Variants in PRUNE2 observed in about 807,000 individuals in gnomAD.
The protein encoded by PRUNE2 is prune homolog 2 with BCH domain, also known as protein prune homolog 2.
Under a neutral mutation model 252.0 loss-of-function variants are expected in PRUNE2, and 164 were observed. That is an observed-to-expected ratio of 0.65 (90% CI 0.57 to 0.74). The LOEUF is 0.74. PRUNE2 is among the 30% of genes least tolerant of loss of function. The probability of loss-of-function intolerance (pLI) is 0.00; values close to 1 mark genes in which losing one functional copy is unlikely to be tolerated. For synonymous variants in PRUNE2, 1,292 were observed against 1,350.2 expected (o/e 0.96, Z 0.94); for missense variants, 3,495 against 3,711.0 (o/e 0.94, Z 1.51).
intron 6 of PRUNE2, chr9:76,779,628 C>G (rs1376044280): frequency 6.6e-6 from 1 of 152,150 alleles, no homozygotes; most frequent in Non-Finnish European, 1.5e-5. Context: ...ACCTCCATGA[C>G]AGGAATCTGA....
chr9:76,802,417 C>T (rs1425983474), intron 6 of PRUNE2, among the ~76,000 whole-genome samples: 3 of 152,166 alleles, frequency 2.0e-5, no homozygotes, highest in Admixed American at 6.5e-5. Context: ...CTGGAAAAGT[C>T]GCATTCCTAC....
At chr9:76,855,082 A>AAATATATATATATATATATATATAT (rs1490285240) in intron 1 of PRUNE2, among the ~76,000 whole-genome samples, 1 of 109,414 alleles carries the variant, frequency 9.1e-6, no homozygotes, top group African/African-American at 3.9e-5. Flanking sequence ...AAAAAAAAAA[A>AAATATATATATATATATATATATAT]ATATATATAT....
At chr9:76,789,833 C>T (rs7854027) in intron 6 of PRUNE2, among the ~76,000 whole-genome samples, 38,582 of 151,998 alleles carry the variant, frequency 0.25, 5,023 homozygotes, top group Middle Eastern at 0.34. Flanking sequence ...TCATTAACAT[C>T]TTGGTGGTCC....
At chr9:76,781,170 C>T (rs922371234) in intron 6 of PRUNE2, among the ~76,000 whole-genome samples, 6 of 152,200 alleles carry the variant, frequency 3.9e-5, no homozygotes, top group Non-Finnish European at 7.3e-5. Flanking sequence ...TGAAGGCAGC[C>T]GCTAACCCAT....
chr9:76,725,156 C>G (rs894358324), intron 6 of PRUNE2, among the ~76,000 whole-genome samples: 1 of 152,062 alleles, frequency 6.6e-6, no homozygotes, highest in Non-Finnish European at 1.5e-5. Flanking sequence ...GCAGGAAAAC[C>G]TTTTTTCCTC....
chr9:76,629,323 A>G, intron 15 of PRUNE2, 33 bp from the exon 16 acceptor site: 2 of 1,121,764 alleles, frequency 1.8e-6, no homozygotes, highest in Non-Finnish European at 2.6e-6. Flanking sequence ...AATATGTATC[A>G]TTAGTCACTA....
chr9:76,904,712 C>T (rs569153666), intron 1 of PRUNE2, among the ~76,000 whole-genome samples: 1 of 152,192 alleles, frequency 6.6e-6, no homozygotes, highest in Non-Finnish European at 1.5e-5. Context: ...TCTCCACAAA[C>T]GTTCAACTCT....
chr9:76,642,935 CA>C (rs750147404), intron 12 of PRUNE2, among the ~76,000 whole-genome samples: 2 of 152,042 alleles, frequency 1.3e-5, no homozygotes, highest in Non-Finnish European at 2.9e-5. Flanking sequence ...GCCTTCTCTT[CA>C]AAACAAACCA....
chr9:76,778,105 A>G (rs1217740645), intron 6 of PRUNE2, among the ~76,000 whole-genome samples: 1 of 152,216 alleles, frequency 6.6e-6, no homozygotes, highest in Non-Finnish European at 1.5e-5. Context: ...AAAAAATACC[A>G]ATGACTGGGT....
intron 6 of PRUNE2, among the ~76,000 whole-genome samples, chr9:76,795,088 T>C (rs1046565488): frequency 1.8e-4 from 28 of 152,202 alleles, no homozygotes; most frequent in East Asian, 3.9e-4. Flanking sequence ...GGGGGCCTAA[T>C]TGAATGACGC....
chr9:76,867,339 C>A (rs1216474679), intron 1 of PRUNE2, among the ~76,000 whole-genome samples: 3 of 151,860 alleles, frequency 2.0e-5, no homozygotes, highest in African/African-American at 7.3e-5. Flanking sequence ...AAAAAACGAA[C>A]CGCATCAGAC....
At chr9:76,851,340 G>A (rs1306284147) in intron 2 of PRUNE2, among the ~76,000 whole-genome samples, 1 of 152,166 alleles carries the variant, frequency 6.6e-6, no homozygotes, top group East Asian at 1.9e-4. Flanking sequence ...GAGGTCAGGA[G>A]ATCGAGACCA....
rs530652793 is a variant in PRUNE2 at position 76,705,680 on chromosome 9, G to A, written c.6594C>T (p.Asp2198=). 9.9e-6 allele frequency: 16 copies of A among 1,613,958 alleles called. No homozygotes were observed. The East Asian group carries it at 3.6e-4, about 36-fold the overall frequency. The change falls in exon 8 of 19, where the codon GAC becomes GAT. Residue 2198 remains aspartate (D), a synonymous_variant. Coordinates refer to ENST00000376718, the MANE Select transcript of PRUNE2 (RefSeq NM_015225.3). Reference sequence around the variant, plus strand: ...CTGATACTTGTAAACCTGTACTGTTGTCACCGTTTATTTCAGAAGGTTCAG... The same window carrying A: ...CTGATACTTGTAAACCTGTACTGTTATCACCGTTTATTTCAGAAGGTTCAG... ...GSPEPSEING[D]NSTGLQVSEK...
chr9:76,654,246 T>G (rs905585293), intron 10 of PRUNE2, among the ~76,000 whole-genome samples: 1 of 152,210 alleles, frequency 6.6e-6, no homozygotes, highest in Non-Finnish European at 1.5e-5. Context: ...ACGAAATATT[T>G]TGAAGACCAT....
chr9:76,764,857 G>C (rs2052163813), intron 6 of PRUNE2, among the ~76,000 whole-genome samples: 1 of 152,120 alleles, frequency 6.6e-6, no homozygotes, highest in African/African-American at 2.4e-5. Context: ...TGATATTAGA[G>C]ATTTTTGTCT....
chr9:76,851,473 G>A (rs1279761526), intron 2 of PRUNE2, among the ~76,000 whole-genome samples: 16 of 151,904 alleles, frequency 1.1e-4, no homozygotes, highest in Admixed American at 2.6e-4. Context: ...GTGTGAACCC[G>A]GGAGGCGGAG....
chr9:76,789,637 G>A (rs1382136258), intron 6 of PRUNE2, among the ~76,000 whole-genome samples: 1 of 152,172 alleles, frequency 6.6e-6, no homozygotes, highest in Non-Finnish European at 1.5e-5. Flanking sequence ...TCTTCAATTA[G>A]ATACCACCAA....
intron 6 of PRUNE2, among the ~76,000 whole-genome samples, chr9:76,747,797 CT>C (rs553598262): frequency 0.014 from 1,980 of 141,284 alleles, 30 homozygotes; most frequent in African/African-American, 0.04. Flanking sequence ...TTCTCCACTT[CT>C]TTTTTTTTTT....
chr9:76,877,398 C>T (rs528013276), intron 1 of PRUNE2, among the ~76,000 whole-genome samples: 29 of 152,092 alleles, frequency 1.9e-4, no homozygotes, highest in Non-Finnish European at 4.1e-4. Context: ...CCCAGCTAAT[C>T]GGGAGGCTTG....
Sources: allele counts gnomAD v4.1 joint callset (sites outside exome capture counted in the v4.1 genomes callset), GRCh38; gene constraint gnomAD v4.1.1; transcripts MANE v1.5; gene names NCBI Gene and HGNC (gene_info 2026-07-23, HGNC 2026-07-21).